XKR8: variants seen among roughly 807,000 people sequenced by gnomAD.
The protein encoded by XKR8 is XK related 8.
XKR8 carries 10 observed loss-of-function variants against 17.1 expected under a neutral mutation model. The ratio of observed to expected loss-of-function variants is 0.59; its 90% CI spans 0.36 to 0.99. The LOEUF (loss-of-function observed/expected upper bound fraction) is 0.99. Ranked by LOEUF, XKR8 falls within the 50% of genes least tolerant of loss-of-function variation. The probability of loss-of-function intolerance (pLI) is 0.01; values close to 1 mark genes in which losing one functional copy is unlikely to be tolerated. For missense variants in XKR8, 411 were observed against 515.6 expected (o/e 0.80, Z 1.96); for synonymous variants, 213 against 251.9 (o/e 0.85, Z 1.46).
In XKR8 at chr1:27,966,365, G is replaced by T; in HGVS notation, c.491-138G>T. On this transcript the variant is annotated intron_variant, in intron 2 of 2. Transcript: ENST00000373884. This position sits in a 1 kb window ranked among gnomAD's most constrained non-coding sequence, Gnocchi z 4.3. ...GGAACTCACTGGGTCTTCTCTAGCT[G>T]CAGATTTGCCTTCAACAAACGAGGG... 2 of 774,492 alleles carry T rather than the reference G, an allele frequency of 2.6e-6. No homozygotes were observed. The highest frequency in any genetic ancestry group is 4.1e-6 in the Non-Finnish European group (2 of 484,062). The allele number at this position is 774,492 out of a possible 1,614,324, so 48.0% of individuals were successfully genotyped here. A position where few individuals can be genotyped will look rare whatever the true frequency, so the allele number is the denominator to read the frequency against.
chr1:27,967,226 T>A lies in XKR8; in HGVS notation c.*26T>A. On this transcript the variant is annotated 3_prime_UTR_variant, in exon 3 of 3. Coordinates refer to ENST00000373884, the MANE Select transcript of XKR8 (RefSeq NM_018053.4). This position sits in a 1 kb window ranked among gnomAD's most constrained non-coding sequence, Gnocchi z 4.3. ...GTGAACGGCGTCCTTTGAAGCAGGA[T>A]CAGACCCAGCCAGCAGAGATGGAGA... The A allele has an allele frequency of 6.6e-7, 1 of 1,526,616 alleles. No homozygotes were observed. Among genetic ancestry groups the A allele is most frequent in the South Asian group, 1.3e-5 (1 of 76,056 alleles). The allele number at this position is 1,526,616 out of a possible 1,614,324, so 94.6% of individuals were successfully genotyped here.
intron 2 of XKR8, among the ~76,000 whole-genome samples, chr1:27,963,946 A>C (rs146791069): frequency 1.4e-3 from 219 of 152,206 alleles, no homozygotes; most frequent in African/African-American, 5.0e-3. Context: ...AGGTTGATGA[A>C]AGGATTAAAT....
In XKR8 at chr1:27,965,765, G is replaced by A. The variant is rs1018163982; in HGVS notation, c.491-738G>A. On this transcript the variant is annotated intron_variant, in intron 2 of 2. Transcript: ENST00000373884. The surrounding 1 kb of genome is among the most constrained non-coding windows in gnomAD (Gnocchi z 4.1). Reference sequence around the variant, plus strand: ...CCTAATAGGTTCCCAGTAAACATCTGTCGAATGACTGCGGTGGACGGGGAC... The same window carrying A: ...CCTAATAGGTTCCCAGTAAACATCTATCGAATGACTGCGGTGGACGGGGAC... Among the ~76,000 whole-genome samples, 1 of 152,222 alleles carries A rather than the reference G, an allele frequency of 6.6e-6. No individual in the cohort carries two copies. The highest frequency in any genetic ancestry group is 2.4e-5 in the African/African-American group (1 of 41,458).
rs1263862589 is a variant in XKR8, at chr1:27,963,698, G to C, written c.490+5G>C. 6.5e-7 allele frequency: 1 copy of C among 1,539,858 alleles called. No homozygotes were observed. The highest frequency in any genetic ancestry group is 8.8e-7 in the Non-Finnish European group (1 of 1,139,068). On this transcript the variant is annotated splice_donor_5th_base_variant and intron_variant, in intron 2 of 2. Transcript: ENST00000373884. ...GCCGGGCTGAGTACTACCAGTGTGA[G>C]TGAAGGCCTGTGGCTGGCCCCCCTG...
In XKR8 at chr1:27,966,135, T is replaced by C. The variant is rs1638562725; in HGVS notation, c.491-368T>C. 6.6e-6 allele frequency among the ~76,000 whole-genome samples: 1 copy of C among 152,130 alleles called. No individual in the cohort carries two copies. Among genetic ancestry groups the C allele is most frequent in the South Asian group, 2.1e-4 (1 of 4,834 alleles). ...TTGATTTTTAGACACAAGGAAGGCT[T>C]GTGTTCTTCCCAGAAAGAAAGGGTT... On this transcript the variant is annotated intron_variant, in intron 2 of 2. Transcript: ENST00000373884. The surrounding 1 kb of genome is among the most constrained non-coding windows in gnomAD (Gnocchi z 4.3).
In XKR8 at chr1:27,966,399, A is replaced by G; in HGVS notation, c.491-104A>G. ...CCTTCAACAAACGAGGGATTCTAATACCTACCCCAGGGTTGCTGGGAGGGC... is the reference window on the plus strand; with the variant it reads ...CCTTCAACAAACGAGGGATTCTAATGCCTACCCCAGGGTTGCTGGGAGGGC... On this transcript the variant is annotated intron_variant, in intron 2 of 2. Coordinates refer to ENST00000373884, the MANE Select transcript of XKR8 (RefSeq NM_018053.4). This position sits in a 1 kb window ranked among gnomAD's most constrained non-coding sequence, Gnocchi z 4.3. 8.7e-7 allele frequency: 1 copy of G among 1,145,348 alleles called. No individual in the cohort carries two copies. The highest frequency in any genetic ancestry group is 1.2e-6 in the Non-Finnish European group (1 of 804,032). The allele number at this position is 1,145,348 out of a possible 1,614,324, so 70.9% of individuals were successfully genotyped here. A position where few individuals can be genotyped will look rare whatever the true frequency, so the allele number is the denominator to read the frequency against.
rs976431701 is a variant in XKR8 at position 27,963,600 on chromosome 1, C to T, written c.397C>T (p.Leu133=). 2.5e-6 allele frequency: 4 copies of T among 1,614,034 alleles called. No homozygotes were observed. The African/African-American group carries it at 5.3e-5, about 22-fold the overall frequency. The change falls in exon 2 of 3, where the codon CTG becomes TTG. Residue 133 remains leucine (L), a synonymous_variant. Transcript: ENST00000373884. The part of the protein sequence containing the change: ...ADFLALDISM[L]RLFETFLETA... Reference sequence around the variant, plus strand: ...CTTCCTCGCCCTGGACATCAGCATGCTGCGGCTCTTCGAGACCTTCTTGGA... The same window carrying T: ...CTTCCTCGCCCTGGACATCAGCATGTTGCGGCTCTTCGAGACCTTCTTGGA...
At chr1:27,961,803 T>C (rs1638474372) in intron 1 of XKR8, among the ~76,000 whole-genome samples, 1 of 152,180 alleles carries the variant, frequency 6.6e-6, no homozygotes, top group South Asian at 2.1e-4. Context: ...TGACAGTACA[T>C]GTCTGGTGAA....
At position 27,966,557 on chromosome 1, in the gene XKR8, A is replaced by AC; in HGVS notation, c.547dup (p.Arg183ProfsTer96). ...ATCTCGTGGGCACTGCTCGACTACC[A>AC]CCGGGCCTTGCGCACCTGCCTCCCC... On this transcript the variant is annotated frameshift_variant, in exon 3 of 3. Transcript: ENST00000373884. LOFTEE classifies it low-confidence loss of function (END_TRUNC). The surrounding 1 kb of genome is among the most constrained non-coding windows in gnomAD (Gnocchi z 4.3). 6.2e-7 allele frequency: 1 copy of AC among 1,613,280 alleles called. No individual in the cohort carries two copies. Among genetic ancestry groups the AC allele is most frequent in the Non-Finnish European group, 8.5e-7 (1 of 1,179,776 alleles).
At chr1:27,961,510 A>C (rs1296498373) in intron 1 of XKR8, among the ~76,000 whole-genome samples, 2 of 152,332 alleles carry the variant, frequency 1.3e-5, no homozygotes, top group Non-Finnish European at 2.9e-5. Context: ...CCGGGTGGGC[A>C]TGAAGGGGTG....
intron 1 of XKR8, among the ~76,000 whole-genome samples, chr1:27,962,580 C>CA (rs1235180519): frequency 5.0e-5 from 7 of 141,122 alleles, no homozygotes; most frequent in African/African-American, 1.1e-4. Flanking sequence ...ACTCTGTCTC[C>CA]AAAAAAAAAG....
Position 27,967,417 on chromosome 1 carries a change from G to A in XKR8, c.*217G>A. ...GTTCACAGTGAACAAGATGAGAAGG[G>A]CTGGGCCCTGGAGGGTCAAGAGCCC... On this transcript the variant is annotated 3_prime_UTR_variant, in exon 3 of 3. Coordinates refer to ENST00000373884, the MANE Select transcript of XKR8 (RefSeq NM_018053.4). This position sits in a 1 kb window ranked among gnomAD's most constrained non-coding sequence, Gnocchi z 4.3. The A allele has an allele frequency of 2.1e-6, 1 of 478,158 alleles. No individual in the cohort carries two copies. Among genetic ancestry groups the A allele is most frequent in the Non-Finnish European group, 3.6e-6 (1 of 274,290 alleles). The allele number at this position is 478,158 out of a possible 1,614,324, so 29.6% of individuals were successfully genotyped here.
rs1165941879 is a variant in XKR8 at position 27,960,356 on chromosome 1, T to A, written c.287T>A (p.Leu96Gln). The change falls in exon 1 of 3, where the codon CTG (leucine) becomes CAG (glutamine). Residue 96 changes from leucine (L) to glutamine (Q), a missense_variant. Coordinates refer to ENST00000373884, the MANE Select transcript of XKR8 (RefSeq NM_018053.4). This position sits in a 1 kb window ranked among gnomAD's most constrained non-coding sequence, Gnocchi z 5.9. The stretch of plus-strand genomic sequence containing the variant: ...CTGCATCTCCTGCAGCTGGGTTACC[T>A]GTACAGGTGAGTGCTTCGCCCCGGG... The part of the protein sequence containing the change: ...ALLHLLQLGY[L>Q]YRCVQELRQG... The A allele has an allele frequency of 2.9e-6, 4 of 1,388,380 alleles. No individual in the cohort carries two copies. The African/African-American group carries it at 6.1e-5, about 21-fold the overall frequency. 86.0% of individuals were successfully genotyped at this position (1,388,380 alleles called of 1,614,324 possible). A position where few individuals can be genotyped will look rare whatever the true frequency, so the allele number is the denominator to read the frequency against.
intron 2 of XKR8, 25 bp downstream of exon 2, chr1:27,963,718 C>T (rs1417993849): frequency 5.3e-6 from 8 of 1,508,452 alleles, no homozygotes; most frequent in Non-Finnish European, 7.1e-6. Context: ...GTGGCTGGCC[C>T]CCCTGTCGTG....
In XKR8 at chr1:27,966,403, A is replaced by C. The variant is rs959731757; in HGVS notation, c.491-100A>C. The C allele has an allele frequency of 9.4e-6, 11 of 1,173,834 alleles. No individual in the cohort carries two copies. The African/African-American group carries it at 1.4e-4, about 15-fold the overall frequency. 72.7% of individuals were successfully genotyped at this position (1,173,834 alleles called of 1,614,324 possible). ...CAACAAACGAGGGATTCTAATACCT[A>C]CCCCAGGGTTGCTGGGAGGGCCCCC... On this transcript the variant is annotated intron_variant, in intron 2 of 2. Coordinates refer to ENST00000373884, the MANE Select transcript of XKR8 (RefSeq NM_018053.4). This position sits in a 1 kb window ranked among gnomAD's most constrained non-coding sequence, Gnocchi z 4.3.
In XKR8 at chr1:27,967,196, G is replaced by C. The variant is rs375612279; in HGVS notation, c.1184G>C (p.Gly395Ala). 1 of 1,547,252 alleles carries C rather than the reference G, an allele frequency of 6.5e-7. No homozygotes were observed. The change falls in exon 3 of 3, where the codon GGA becomes GCA. Residue 395 changes from glycine to alanine, a missense_variant. Physicochemically the swap from Gly to Ala is moderately conservative, Grantham distance 60. Coordinates refer to ENST00000373884, the MANE Select transcript of XKR8 (RefSeq NM_018053.4). The surrounding 1 kb of genome is among the most constrained non-coding windows in gnomAD (Gnocchi z 4.3). ...AKDEAASPVK[G>A] ...GATGAGGCTGCTTCGCCAGTGAAGG[G>C]ATAGGTGAACGGCGTCCTTTGAAGC...
rs1427960741 is a variant in XKR8, at chr1:27,968,057, T to A, written c.*857T>A. The A allele has an allele frequency of 6.6e-6, 1 of 152,648 alleles. No individual in the cohort carries two copies. Among genetic ancestry groups the A allele is most frequent in the African/African-American group, 2.4e-5 (1 of 41,426 alleles). The allele number at this position is 152,648 out of a possible 1,614,324, so 9.5% of individuals were successfully genotyped here. A position where few individuals can be genotyped will look rare whatever the true frequency, so the allele number is the denominator to read the frequency against. Reference sequence around the variant, plus strand: ...GTGACAGATGTGTTGTTTTCAACAGTATTATTAGGTTATGAATAAAGCCTC... The same window carrying A: ...GTGACAGATGTGTTGTTTTCAACAGAATTATTAGGTTATGAATAAAGCCTC... On this transcript the variant is annotated 3_prime_UTR_variant, in exon 3 of 3. Coordinates refer to ENST00000373884, the MANE Select transcript of XKR8 (RefSeq NM_018053.4).
intron 1 of XKR8, among the ~76,000 whole-genome samples, chr1:27,962,506 G>A (rs1307797454): frequency 1.3e-5 from 2 of 152,190 alleles, no homozygotes; most frequent in South Asian, 2.1e-4. Context: ...CTGGGAGGTG[G>A]AGGTTGCAGT....
chr1:27,961,319 C>T (rs2148685131), intron 1 of XKR8, among the ~76,000 whole-genome samples: 1 of 152,316 alleles, frequency 6.6e-6, no homozygotes, highest in East Asian at 1.9e-4. Flanking sequence ...GCGACAAAGT[C>T]AGGGCAGAGG....
Sources: gnomAD v4.1 joint callset for allele counts (sites outside exome capture counted in the v4.1 genomes callset) on GRCh38, gnomAD v4.1.1 for gene constraint, Gnocchi (gnomAD v3.1) non-coding constraint, MANE v1.5 for transcripts, NCBI Gene and HGNC (gene_info 2026-07-23, HGNC 2026-07-21) for gene names.